Variants in AGMO observed in about 807,000 individuals in gnomAD.
The protein encoded by AGMO is alkylglycerol monooxygenase, also known as glyceryl-ether monooxygenase.
In AGMO, 75 loss-of-function variants were observed where a neutral mutation model predicts 60.2. That is an observed-to-expected ratio of 1.25 (90% CI 1.03 to 1.51). AGMO has a LOEUF of 1.51. AGMO is among the 40% of genes most tolerant of loss of function. The pLI is 0.00. For synonymous variants in AGMO, 261 were observed against 177.1 expected, an observed-to-expected ratio of 1.47 and a Z score of -3.76; for missense variants, 763 against 525.5, an observed-to-expected ratio of 1.45 and a Z score of -4.42.
chr7:15,482,538 C>T (rs1782786732), intron 3 of AGMO, among the ~76,000 whole-genome samples: 1 of 151,986 alleles, frequency 6.6e-6, no homozygotes, highest in Non-Finnish European at 1.5e-5. Context: ...TACCCAGGAC[C>T]AGATTGTTTC....
intron 5 of AGMO, among the ~76,000 whole-genome samples, chr7:15,416,664 G>A (rs913333859): frequency 3.3e-5 from 5 of 152,014 alleles, no homozygotes; most frequent in East Asian, 1.9e-4. Flanking sequence ...TCTACAGCTC[G>A]CATATCATTT....
At chr7:15,138,324 G>C in the AGMO span, among the ~76,000 whole-genome samples, 1 of 152,014 alleles carries the variant, frequency 6.6e-6, no homozygotes. Context: ...TTTTGTATAC[G>C]TCTCACGACT....
Position 15,387,476 on chromosome 7 carries a change from G to C in AGMO, c.887C>G (p.Ser296Cys), listed in dbSNP as rs749599974. ...WATPGFFNKF[S>C]VIFKGPGWGP... ...CCATCCCGGTCCCTTAAATATGACA[G>C]AAAACTTATTGAAGAATCCAGGTGT... The change falls in exon 9 of 13, where the codon TCT becomes TGT. Residue 296 changes from serine to cysteine, a missense_variant. By Grantham distance (112) the Ser-to-Cys change is moderately radical (BLOSUM62 -1). Coordinates refer to ENST00000342526, the MANE Select transcript of AGMO (RefSeq NM_001004320.2). 1 of 1,614,026 alleles carries C rather than the reference G, an allele frequency of 6.2e-7. No individual in the cohort carries two copies. The highest frequency in any genetic ancestry group is 8.5e-7 in the Non-Finnish European group (1 of 1,179,962).
the AGMO span, among the ~76,000 whole-genome samples, chr7:15,166,060 C>T: frequency 6.6e-6 from 1 of 152,092 alleles, no homozygotes; most frequent in Non-Finnish European, 1.5e-5. Flanking sequence ...AAACAGACAA[C>T]GACCCCAGGC....
chr7:15,547,647 C>T (rs891238619), intron 2 of AGMO, among the ~76,000 whole-genome samples: 1 of 152,010 alleles, frequency 6.6e-6, no homozygotes, highest in Non-Finnish European at 1.5e-5. Flanking sequence ...TATATCCGCA[C>T]CTGGCTCGGA....
chr7:15,461,345 A>G (rs1782136900), intron 3 of AGMO, among the ~76,000 whole-genome samples: 1 of 151,954 alleles, frequency 6.6e-6, no homozygotes, highest in African/African-American at 2.4e-5. Context: ...AAAAAAAACC[A>G]TGATAAATAA....
At chr7:15,438,336 T>C (rs867456662) in intron 3 of AGMO, among the ~76,000 whole-genome samples, 1 of 152,062 alleles carries the variant, frequency 6.6e-6, no homozygotes, top group Non-Finnish European at 1.5e-5. Context: ...TAGAACACTT[T>C]ACAGGTATTA....
intron 3 of AGMO, among the ~76,000 whole-genome samples, chr7:15,497,415 A>G (rs1053264315): frequency 2.0e-5 from 3 of 152,102 alleles, no homozygotes; most frequent in Non-Finnish European, 4.4e-5. Flanking sequence ...AACATCACAT[A>G]TAAAATCTAG....
intron 2 of AGMO, among the ~76,000 whole-genome samples, chr7:15,551,002 G>A (rs1189754102): frequency 1.4e-5 from 2 of 141,988 alleles, no homozygotes; most frequent in African/African-American, 5.4e-5. Flanking sequence ...GGGATGCAAG[G>A]CTGGTTCAAT....
chr7:15,359,231 G>A (rs2128558302), intron 12 of AGMO, among the ~76,000 whole-genome samples: 1 of 149,772 alleles, frequency 6.7e-6, no homozygotes, highest in East Asian at 2.0e-4. Context: ...GGAGCTTGCA[G>A]TGAGCCGAGA....
At chr7:15,330,418 C>T (rs911142189) in intron 12 of AGMO, among the ~76,000 whole-genome samples, 1 of 152,136 alleles carries the variant, frequency 6.6e-6, no homozygotes, top group South Asian at 2.1e-4. Context: ...TGCTTCTCTG[C>T]TAATTTCACT....
At chr7:15,253,244 G>C (rs1284969935) in intron 12 of AGMO, among the ~76,000 whole-genome samples, 1 of 151,908 alleles carries the variant, frequency 6.6e-6, no homozygotes, top group East Asian at 1.9e-4. Flanking sequence ...GCCTGGGTAG[G>C]AACAAAAAAA....
chr7:15,547,464 C>T (rs970216561), intron 2 of AGMO, among the ~76,000 whole-genome samples: 3 of 151,968 alleles, frequency 2.0e-5, no homozygotes, highest in South Asian at 2.1e-4. Context: ...GTGCGCGCAC[C>T]GTGCGCGAGC....
chr7:15,510,051 C>A (rs1316114898), intron 3 of AGMO, among the ~76,000 whole-genome samples: 1 of 152,080 alleles, frequency 6.6e-6, no homozygotes, highest in Non-Finnish European at 1.5e-5. Context: ...ATACAGCAAC[C>A]CTTCTTCTGG....
At chr7:15,296,115 T>C (rs1405572400) in intron 12 of AGMO, among the ~76,000 whole-genome samples, 2 of 152,158 alleles carry the variant, frequency 1.3e-5, no homozygotes, top group Non-Finnish European at 2.9e-5. Context: ...TGTTAGTCTT[T>C]TTTTTCTAGA....
chr7:15,547,733 T>C (rs192486489), intron 2 of AGMO, among the ~76,000 whole-genome samples: 4,906 of 151,602 alleles, frequency 0.032, 111 homozygotes, highest in Middle Eastern at 0.075. Context: ...GCAGCGAGGC[T>C]GGGGGAGGGG....
chr7:15,235,543 G>A (rs1782391498), intron 12 of AGMO, among the ~76,000 whole-genome samples: 1 of 152,072 alleles, frequency 6.6e-6, no homozygotes, highest in Admixed American at 6.6e-5. Context: ...CTAACACAAA[G>A]ACGGAAAGTA....
In AGMO at chr7:15,281,841, T is replaced by G. The variant is rs574526203; in HGVS notation, c.1264-80482A>C. Among the ~76,000 whole-genome samples the G allele has an allele frequency of 2.6e-5, 4 of 152,198 alleles. No individual in the cohort carries two copies. In the South Asian group the frequency reaches 6.2e-4, roughly 24 times the overall value. ...ACACCACAAGAGAATGAGATAAGCC[T>G]CAAGAAACTTCTGCCATTCCAACCT... On this transcript the variant is annotated intron_variant, in intron 12 of 12. Coordinates refer to ENST00000342526, the MANE Select transcript of AGMO (RefSeq NM_001004320.2).
At chr7:15,560,405 A>G in intron 1 of AGMO, 134 bp from the exon 2 acceptor site, 1 of 840,882 alleles carries the variant, frequency 1.2e-6, no homozygotes, top group Non-Finnish European at 1.8e-6. Context: ...CACTCATTTT[A>G]GAGGATTACT....
Sources: allele counts gnomAD v4.1 joint callset (sites outside exome capture counted in the v4.1 genomes callset), GRCh38; gene constraint gnomAD v4.1.1; transcripts MANE v1.5; gene names NCBI Gene and HGNC (gene_info 2026-07-23, HGNC 2026-07-21).